Variants in CAMKMT observed in about 807,000 individuals in gnomAD.
The protein encoded by CAMKMT is calmodulin-lysine N-methyltransferase, also known as CaM KMT.
A neutral mutation model predicts 48.0 loss-of-function variants in CAMKMT; 53 were observed. That is an observed-to-expected ratio of 1.10 (90% CI 0.89 to 1.39). The LOEUF (loss-of-function observed/expected upper bound fraction) is 1.39, where lower values mean the gene tolerates loss of function less well. Ranked by LOEUF, CAMKMT falls within the 40% of genes most tolerant of loss-of-function variation. The pLI, the probability that CAMKMT is intolerant of heterozygous loss-of-function variation, is 0.00. For missense variants in CAMKMT, 428 were observed against 402.7 expected (o/e 1.06, Z -0.54); for synonymous variants, 165 against 152.3 (o/e 1.08, Z -0.61).
chr2:44,544,067 A>G (rs1420479562), intron 3 of CAMKMT, among the ~76,000 whole-genome samples: 1 of 152,112 alleles, frequency 6.6e-6, no homozygotes, highest in African/African-American at 2.4e-5. Context: ...ATAATTTGAA[A>G]AAGACGTTTT....
At chr2:44,641,361 C>T (rs971020255) in intron 3 of CAMKMT, among the ~76,000 whole-genome samples, 4 of 152,028 alleles carry the variant, frequency 2.6e-5, no homozygotes, top group Non-Finnish European at 2.9e-5. Context: ...ATTTAGTCTG[C>T]CCCTGACTTG....
chr2:44,590,645 G>C (rs1419040235), intron 3 of CAMKMT, among the ~76,000 whole-genome samples: 1 of 152,066 alleles, frequency 6.6e-6, no homozygotes, highest in Non-Finnish European at 1.5e-5. Context: ...TGTATATTCT[G>C]GATATTAGCC....
At chr2:44,596,580 C>T (rs1670681421) in intron 3 of CAMKMT, among the ~76,000 whole-genome samples, 1 of 152,130 alleles carries the variant, frequency 6.6e-6, no homozygotes, top group Non-Finnish European at 1.5e-5. Flanking sequence ...TTCTGTAGTA[C>T]ACACATTTTA....
intron 7 of CAMKMT, among the ~76,000 whole-genome samples, chr2:44,730,802 A>G (rs545345867): frequency 1.3e-5 from 2 of 152,354 alleles, no homozygotes; most frequent in South Asian, 2.1e-4. Flanking sequence ...ATGGCCCTCT[A>G]CAAGAGTGAG....
chr2:44,441,159 G>A (rs1666634011), intron 3 of CAMKMT, among the ~76,000 whole-genome samples: 1 of 151,932 alleles, frequency 6.6e-6, no homozygotes, highest in Non-Finnish European at 1.5e-5. Context: ...CTTTTCCTGT[G>A]ACTCAATATA....
At chr2:44,411,498 G>A (rs778888464) in intron 3 of CAMKMT, among the ~76,000 whole-genome samples, 10 of 152,156 alleles carry the variant, frequency 6.6e-5, no homozygotes, top group Admixed American at 2.0e-4. Context: ...TGAAGTGAAT[G>A]CATCTGGATT....
intron 3 of CAMKMT, among the ~76,000 whole-genome samples, chr2:44,555,641 T>A (rs182500531): frequency 8.6e-5 from 13 of 151,990 alleles, no homozygotes; most frequent in Non-Finnish European, 1.5e-4. Context: ...GTGGGTGAGA[T>A]TAAGAAAAGG....
chr2:44,633,988 G>C (rs149231059), intron 3 of CAMKMT, among the ~76,000 whole-genome samples: 12 of 152,052 alleles, frequency 7.9e-5, no homozygotes, highest in African/African-American at 2.7e-4. Context: ...TTTACTTTAT[G>C]CTAGTTTAAC....
chr2:44,440,194 G>T (rs1048330856), intron 3 of CAMKMT, among the ~76,000 whole-genome samples: 3 of 152,190 alleles, frequency 2.0e-5, no homozygotes, highest in Non-Finnish European at 2.9e-5. Context: ...GCATCCTCTA[G>T]TCCCATGATT....
At chr2:44,607,083 G>T (rs1671329785) in intron 3 of CAMKMT, among the ~76,000 whole-genome samples, 1 of 152,162 alleles carries the variant, frequency 6.6e-6, no homozygotes, top group Non-Finnish European at 1.5e-5. Flanking sequence ...GTTCCTTTAT[G>T]ATCAGAAGGA....
chr2:44,559,735 A>G lies in CAMKMT; in HGVS notation c.377-144548A>G, dbSNP rs529116885. 2.0e-5 allele frequency among the ~76,000 whole-genome samples: 3 copies of G among 152,232 alleles called. No homozygotes were observed. In the East Asian group the frequency reaches 5.8e-4, roughly 29 times the overall value. On this transcript the variant is annotated intron_variant, in intron 3 of 10. Coordinates refer to ENST00000378494, the MANE Select transcript of CAMKMT (RefSeq NM_024766.5). ...GAAAGAGTCTAGCTCAATGCCTGAA[A>G]CAGTTATTGATTTAAATTTACATAA...
intron 3 of CAMKMT, among the ~76,000 whole-genome samples, chr2:44,532,500 G>A (rs181332172): frequency 4.8e-4 from 73 of 152,294 alleles, no homozygotes; most frequent in African/African-American, 1.7e-3. Flanking sequence ...ACTATAGTCA[G>A]CTTCTGTATT....
rs575852381 is a variant in CAMKMT at position 44,660,586 on chromosome 2, A to AT, written c.377-43691dup. On this transcript the variant is annotated intron_variant, in intron 3 of 10. Transcript: ENST00000378494. ...AACTATGGTTGACAAGAAAGTTTAG[A>AT]TTTTTTCCTTGAAGATCTGGCCAAT... 1.6e-4 allele frequency among the ~76,000 whole-genome samples: 24 copies of AT among 152,258 alleles called. No individual in the cohort carries two copies. The East Asian group carries it at 3.7e-3, about 23-fold the overall frequency.
chr2:44,382,317 C>T lies in CAMKMT; in HGVS notation c.312-7924C>T, dbSNP rs114327172. ...TTTTCCATATTAGTGTAAATAACCT[C>T]ATCTCTACCTAGAATCTTATAGGCC... is the stretch of plus-strand genomic sequence containing the variant. On this transcript the variant is annotated intron_variant, in intron 2 of 10. Transcript: ENST00000378494. 9.6e-3 allele frequency among the ~76,000 whole-genome samples: 1,461 copies of T among 152,148 alleles called. 16 individuals carry two copies. Among genetic ancestry groups the T allele is most frequent in the Non-Finnish European group, 0.015 (1,026 of 68,002 alleles).
chr2:44,378,503 TG>T (rs1248309947), intron 2 of CAMKMT, among the ~76,000 whole-genome samples: 1 of 151,324 alleles, frequency 6.6e-6, no homozygotes, highest in Non-Finnish European at 1.5e-5. Context: ...TTTGTTTGTT[TG>T]TTTGTTTTGA....
intron 3 of CAMKMT, among the ~76,000 whole-genome samples, chr2:44,695,060 C>T (rs1260795715): frequency 6.6e-6 from 1 of 152,222 alleles, no homozygotes; most frequent in East Asian, 1.9e-4. Flanking sequence ...TTTAGATTAA[C>T]ACTTTAGCTA....
At chr2:44,389,512 A>G (rs568018523) in intron 2 of CAMKMT, among the ~76,000 whole-genome samples, 1 of 152,278 alleles carries the variant, frequency 6.6e-6, no homozygotes, top group African/African-American at 2.4e-5. Context: ...TCAGCTGTAA[A>G]TTATATGGGA....
chr2:44,695,979 G>A (rs948013407), intron 3 of CAMKMT, among the ~76,000 whole-genome samples: 37 of 151,952 alleles, frequency 2.4e-4, no homozygotes, highest in African/African-American at 8.7e-4. Context: ...GTCTCACTCT[G>A]TCACCCAGGC....
chr2:44,444,792 C>T (rs1666879761), intron 3 of CAMKMT, among the ~76,000 whole-genome samples: 1 of 152,168 alleles, frequency 6.6e-6, no homozygotes, highest in Admixed American at 6.5e-5. Flanking sequence ...CAACACCAAG[C>T]ACCATGTACC....
Sources: allele counts gnomAD v4.1 joint callset (sites outside exome capture counted in the v4.1 genomes callset), GRCh38; gene constraint gnomAD v4.1.1; transcripts MANE v1.5; gene names NCBI Gene and HGNC (gene_info 2026-07-23, HGNC 2026-07-21).